The following PPM1E variants were observed in gnomAD, a reference collection of about 807,000 sequenced individuals.
PPM1E encodes protein phosphatase, Mg2+/Mn2+ dependent 1E.
A neutral mutation model predicts 65.9 loss-of-function variants in PPM1E; 20 were observed. That is an observed-to-expected ratio of 0.30 (90% CI 0.21 to 0.44). The LOEUF (loss-of-function observed/expected upper bound fraction) is 0.44, where lower values mean the gene tolerates loss of function less well. Among genes scored for constraint, PPM1E ranks in the 20% least tolerant of loss-of-function variants. The pLI, the probability that PPM1E is intolerant of heterozygous loss-of-function variation, is 1.00. For synonymous variants in PPM1E, 352 were observed against 374.9 expected (o/e 0.94, Z 0.70); for missense variants, 713 against 953.1 (o/e 0.75, Z 3.32).
intron 1 of PPM1E, among the ~76,000 whole-genome samples, chr17:58,764,508 T>C (rs1286688587): frequency 6.6e-6 from 1 of 152,084 alleles, no homozygotes; most frequent in East Asian, 1.9e-4. Context: ...TGAACACACC[T>C]CACTGCAGCC....
Position 58,756,444 on chromosome 17 carries a change from G to A in PPM1E, c.447G>A (p.Leu149=). 2 of 1,321,706 alleles carry A rather than the reference G, an allele frequency of 1.5e-6. No individual in the cohort carries two copies. The highest frequency in any genetic ancestry group is 9.6e-7 in the Non-Finnish European group (1 of 1,036,690). 81.9% of individuals were successfully genotyped at this position (1,321,706 alleles called of 1,614,324 possible). A position where few individuals can be genotyped will look rare whatever the true frequency, so the allele number is the denominator to read the frequency against. Residue 149 remains leucine (L), a synonymous_variant, in exon 1 of 7, where the codon CTG becomes CTA. Transcript: ENST00000308249. The part of the protein sequence containing the change: ...EVEGESLDLC[L]QQLYKYNCPS... ...AGGGCGAAAGCCTGGACCTGTGCCT[G>A]CAGCAGCTCTACAAATAGTTAAGTA...
chr17:58,767,800 G>A (rs1221213287), intron 1 of PPM1E, among the ~76,000 whole-genome samples: 1 of 151,930 alleles, frequency 6.6e-6, no homozygotes. Context: ...GCACCACCAC[G>A]CTGGGCTAAT....
chr17:58,830,368 C>T (rs989077603), intron 1 of PPM1E, among the ~76,000 whole-genome samples: 2 of 151,484 alleles, frequency 1.3e-5, no homozygotes, highest in Non-Finnish European at 1.5e-5. Flanking sequence ...AGCGCAGTGG[C>T]GCAGTCTCGG....
intron 1 of PPM1E, among the ~76,000 whole-genome samples, chr17:58,855,741 T>G (rs2050875694): frequency 6.6e-6 from 1 of 152,218 alleles, no homozygotes; most frequent in Non-Finnish European, 1.5e-5. Context: ...TAGTTCATAA[T>G]AGTAACAAAC....
intron 3 of PPM1E, chr17:58,966,276 A>G: frequency 2.7e-6 from 1 of 367,926 alleles, no homozygotes; most frequent in Non-Finnish European, 5.2e-6. Context: ...GCACTTTGGG[A>G]GGCTGATACG....
At chr17:58,899,698 T>C (rs2143464343) in intron 1 of PPM1E, 1 of 199,958 alleles carries the variant, frequency 5.0e-6, no homozygotes. Context: ...AATGAACCAA[T>C]AAAACTACAG....
At chr17:58,842,300 T>C (rs901901757) in intron 1 of PPM1E, among the ~76,000 whole-genome samples, 3 of 152,198 alleles carry the variant, frequency 2.0e-5, no homozygotes, top group African/African-American at 7.2e-5. Context: ...AGTGGCATCC[T>C]GAATGGGATC....
At chr17:58,893,334 C>G (rs1202163623) in intron 1 of PPM1E, among the ~76,000 whole-genome samples, 2 of 152,038 alleles carry the variant, frequency 1.3e-5, no homozygotes, top group Admixed American at 6.6e-5. Context: ...ATGCATATTA[C>G]TTAGTGAAAG....
At chr17:58,812,037 A>T (rs985361647) in intron 1 of PPM1E, among the ~76,000 whole-genome samples, 10 of 152,164 alleles carry the variant, frequency 6.6e-5, no homozygotes, top group African/African-American at 9.7e-5. Flanking sequence ...AAAGAAAAAA[A>T]ATATATAAGA....
chr17:58,926,216 C>T (rs1376245061), intron 1 of PPM1E, among the ~76,000 whole-genome samples: 1 of 151,946 alleles, frequency 6.6e-6, no homozygotes, highest in Non-Finnish European at 1.5e-5. Context: ...TGGCACGTGC[C>T]TGTAGTCCCA....
intron 1 of PPM1E, among the ~76,000 whole-genome samples, chr17:58,816,895 G>A (rs981906098): frequency 2.0e-5 from 3 of 148,600 alleles, no homozygotes; most frequent in Non-Finnish European, 3.0e-5. Flanking sequence ...TCCCAGGCCC[G>A]AGTGATCCTC....
In PPM1E at chr17:58,975,282, C is replaced by T. The variant is rs891067700; in HGVS notation, c.1210+2357C>T. 2.6e-5 allele frequency among the ~76,000 whole-genome samples: 4 copies of T among 152,336 alleles called. No individual in the cohort carries two copies. In the East Asian group the frequency reaches 7.7e-4, roughly 29 times the overall value. ...TCTTTAATACTTGTTACAGAACTAACTTAATAGAGAATACCAGCTTCTTCT... is the reference window on the plus strand; with the variant it reads ...TCTTTAATACTTGTTACAGAACTAATTTAATAGAGAATACCAGCTTCTTCT... On this transcript the variant is annotated intron_variant, in intron 6 of 6. Coordinates refer to ENST00000308249, the MANE Select transcript of PPM1E (RefSeq NM_014906.5).
At chr17:58,775,208 A>G (rs2049981670) in intron 1 of PPM1E, among the ~76,000 whole-genome samples, 1 of 152,170 alleles carries the variant, frequency 6.6e-6, no homozygotes, top group Non-Finnish European at 1.5e-5. Flanking sequence ...TAATGCTTGT[A>G]ATGTAGAACA....
At chr17:58,842,402 A>G (rs376757605) in intron 1 of PPM1E, among the ~76,000 whole-genome samples, 1 of 152,368 alleles carries the variant, frequency 6.6e-6, no homozygotes, top group East Asian at 1.9e-4. Context: ...CATTAACTGT[A>G]ATAAGTGAGC....
intron 1 of PPM1E, among the ~76,000 whole-genome samples, chr17:58,827,898 T>C (rs2050556759): frequency 1.6e-5 from 1 of 61,064 alleles, no homozygotes; most frequent in Admixed American, 1.5e-4. Flanking sequence ...CGAGACTCCA[T>C]CTCAAAAAAA....
chr17:58,901,702 C>T (rs1365808630), intron 1 of PPM1E, among the ~76,000 whole-genome samples: 3 of 145,626 alleles, frequency 2.1e-5, no homozygotes, highest in African/African-American at 5.1e-5. Flanking sequence ...TAAGGCCAGA[C>T]GCGGTGGCTC....
chr17:58,967,157 T>C (rs1567892027), intron 3 of PPM1E, among the ~76,000 whole-genome samples: 1 of 152,184 alleles, frequency 6.6e-6, no homozygotes, highest in African/African-American at 2.4e-5. Flanking sequence ...AAGAGCAATA[T>C]GGCAACACAT....
At chr17:58,965,483 T>C (rs139032304) in intron 2 of PPM1E, among the ~76,000 whole-genome samples, 2 of 152,242 alleles carry the variant, frequency 1.3e-5, no homozygotes, top group Admixed American at 6.5e-5. Context: ...CATAAGAATA[T>C]TTAGTGGCAG....
At chr17:58,854,482 G>A (rs1285094431) in intron 1 of PPM1E, among the ~76,000 whole-genome samples, 1 of 152,174 alleles carries the variant, frequency 6.6e-6, no homozygotes, top group Non-Finnish European at 1.5e-5. Flanking sequence ...ACCTTGCCTT[G>A]TTCCTGATCT....
Sources: gnomAD v4.1 joint callset for allele counts (sites outside exome capture counted in the v4.1 genomes callset) on GRCh38, gnomAD v4.1.1 for gene constraint, MANE v1.5 for transcripts, NCBI Gene and HGNC (gene_info 2026-07-23, HGNC 2026-07-21) for gene names.